NRAP: variants seen among roughly 807,000 people sequenced by gnomAD.
NRAP encodes nebulin related anchoring protein, also known as nebulin-related-anchoring protein.
A neutral mutation model predicts 225.9 loss-of-function variants in NRAP; 189 were observed. That is an observed-to-expected ratio of 0.84 (90% CI 0.74 to 0.94). The LOEUF (loss-of-function observed/expected upper bound fraction) is 0.94. Ranked by LOEUF, NRAP falls within the 40% of genes least tolerant of loss-of-function variation. The pLI, the probability that NRAP is intolerant of heterozygous loss-of-function variation, is 0.00. For synonymous variants in NRAP, 769 were observed against 790.7 expected (o/e 0.97, Z 0.46); for missense variants, 2,176 against 2,168.7 (o/e 1.00, Z -0.07).
intron 39 of NRAP, among the ~76,000 whole-genome samples, chr10:113,591,490 T>G (rs1428800159): frequency 6.6e-6 from 1 of 152,216 alleles, no homozygotes; most frequent in Non-Finnish European, 1.5e-5. Context: ...AGTGATCACA[T>G]GCTTGGATGT....
At chr10:113,645,103 G>A (rs1849423897) in intron 11 of NRAP, among the ~76,000 whole-genome samples, 1 of 152,148 alleles carries the variant, frequency 6.6e-6, no homozygotes. Flanking sequence ...AATTCACATG[G>A]AATACACAGC....
chr10:113,629,410 T>C (rs1156487805), intron 19 of NRAP, among the ~76,000 whole-genome samples, 178 bp downstream of exon 19: 1 of 152,200 alleles, frequency 6.6e-6, no homozygotes, highest in Non-Finnish European at 1.5e-5. Context: ...CCAGTCTCCA[T>C]TGTGTCAACT....
chr10:113,608,338 C>T, intron 32 of NRAP, 76 bp downstream of exon 32: 1 of 897,920 alleles, frequency 1.1e-6, no homozygotes, highest in South Asian at 1.5e-5. Context: ...TTTCTCACCC[C>T]AAACACATTC....
chr10:113,628,863 G>T (rs1464636760), intron 20 of NRAP, 54 bp downstream of exon 20: 8 of 929,264 alleles, frequency 8.6e-6, no homozygotes, highest in Non-Finnish European at 1.2e-5. Context: ...AGATCACCCT[G>T]CATGTGTCAG....
Position 113,588,816 on chromosome 10 carries a change from C to CAA in NRAP, c.*157_*158dup. On this transcript the variant is annotated 3_prime_UTR_variant, in exon 42 of 42. Coordinates refer to ENST00000359988, the MANE Select transcript of NRAP (RefSeq NM_198060.4). ...TAGGTATCAGAGAGGACCACAAATA[C>CAA]AACATTCTCCATCTGCTTTCAGAGT... The CAA allele has an allele frequency of 1.5e-6, 1 of 646,066 alleles. No homozygotes were observed. The highest frequency in any genetic ancestry group is 2.7e-5 in the Admixed American group (1 of 37,232). 40.0% of individuals were successfully genotyped at this position (646,066 alleles called of 1,614,324 possible).
At chr10:113,591,598 G>A (rs372351373) in intron 39 of NRAP, among the ~76,000 whole-genome samples, 6 of 152,310 alleles carry the variant, frequency 3.9e-5, no homozygotes, top group East Asian at 3.9e-4. Flanking sequence ...TCCCAGGTGC[G>A]CCTCCGTCTA....
intron 26 of NRAP, among the ~76,000 whole-genome samples, chr10:113,617,142 A>G (rs911763888): frequency 4.6e-5 from 7 of 152,188 alleles, no homozygotes; most frequent in African/African-American, 1.4e-4. Flanking sequence ...TGAAAACAAC[A>G]CTTTCAGGCA....
Position 113,590,616 on chromosome 10 carries a change from G to A in NRAP, c.4918C>T (p.Leu1640Phe), listed in dbSNP as rs2133812654. ...QPTCDPEQLGLRHAQKAHQLQ... is the reference protein window; with the variant it reads ...QPTCDPEQLGFRHAQKAHQLQ... Reference sequence around the variant, plus strand: ...TGGTGGGCCTTCTGAGCATGCCTGAGGCCCAGCTGCTCCGGGTCGCAGGTG... The same window carrying A: ...TGGTGGGCCTTCTGAGCATGCCTGAAGCCCAGCTGCTCCGGGTCGCAGGTG... Residue 1640 changes from leucine (L) to phenylalanine (F), a missense_variant, in exon 40 of 42, where the codon CTC becomes TTC. Leu to Phe is a conservative substitution (Grantham distance 22). This residue lies in a region of NRAP where 445 missense variants were observed against 426.1 expected (regional missense o/e 1.04). Transcript: ENST00000359988. 2 of 1,613,506 alleles carry A rather than the reference G, an allele frequency of 1.2e-6. No homozygotes were observed. Among genetic ancestry groups the A allele is most frequent in the South Asian group, 1.1e-5 (1 of 91,066 alleles).
chr10:113,639,558 T>C (rs558122076), intron 14 of NRAP, among the ~76,000 whole-genome samples: 10 of 152,388 alleles, frequency 6.6e-5, no homozygotes, highest in Admixed American at 2.0e-4. Flanking sequence ...ATACAACCTT[T>C]CTTCTAAGCC....
chr10:113,634,353 A>G (rs1002228903), intron 14 of NRAP, 143 bp from the exon 15 acceptor site: 2 of 638,088 alleles, frequency 3.1e-6, no homozygotes, highest in African/African-American at 3.6e-5. Flanking sequence ...ATACTGACAG[A>G]CACTCCAAGC....
At chr10:113,589,501 T>G in intron 41 of NRAP, 165 bp downstream of exon 41, 1 of 747,698 alleles carries the variant, frequency 1.3e-6, no homozygotes, top group Non-Finnish European at 2.1e-6. Context: ...GTCATCTGCC[T>G]GGTCATCTCA....
At chr10:113,624,763 T>G in intron 22 of NRAP, 63 bp downstream of exon 22, 1 of 1,189,790 alleles carries the variant, frequency 8.4e-7, no homozygotes, top group Non-Finnish European at 1.2e-6. Flanking sequence ...GTGGGCTTGG[T>G]TTACCAGGTG....
At chr10:113,610,307 G>A in intron 31 of NRAP, 152 bp downstream of exon 31, 1 of 498,130 alleles carries the variant, frequency 2.0e-6, no homozygotes, top group South Asian at 2.4e-5. Context: ...CAGAGATCGT[G>A]CCACTCTACT....
chr10:113,589,686 G>A lies in NRAP; in HGVS notation c.5068C>T (p.Leu1690=), dbSNP rs1482212811. 5.6e-6 allele frequency: 9 copies of A among 1,614,028 alleles called. No individual in the cohort carries two copies. ...RAAELANARG[L]GLQGAYRGAE... ...CTCACGTAAGCTCCCTGGAGACCCA[G>A]GCCCCTTGCGTTGGCCAGTTCCGCA... Residue 1690 remains leucine (L), a synonymous_variant, in exon 41 of 42, where the codon CTG becomes TTG. Transcript: ENST00000359988.
rs11575787 is a variant in NRAP at position 113,588,989 on chromosome 10, CCTT to C, written c.5176_5178del (p.Lys1726del). 2,767 of 1,613,520 alleles carry C rather than the reference CCTT, an allele frequency of 1.7e-3. 37 individuals carry two copies. The African/African-American group carries it at 0.03, about 17-fold the overall frequency. On this transcript the variant is annotated inframe_deletion, in exon 42 of 42. Coordinates refer to ENST00000359988, the MANE Select transcript of NRAP (RefSeq NM_198060.4). The stretch of plus-strand genomic sequence containing the variant: ...GTGGACATGGCTCACAACAGCAGGG[CCTT>C]CTTCTTTTTGACGTGCAGAATCTCA...
At chr10:113,639,091 C>CAAAAAAAAAAAAAAAAAAAA (rs60509891) in intron 14 of NRAP, among the ~76,000 whole-genome samples, 1 of 115,820 alleles carries the variant, frequency 8.6e-6, no homozygotes, top group Non-Finnish European at 1.8e-5. Context: ...ATGTATATAG[C>CAAAAAAAAAAAAAAAAAAAA]AAAAAAAAAA....
intron 30 of NRAP, among the ~76,000 whole-genome samples, chr10:113,611,269 T>C (rs931866673): frequency 6.6e-6 from 1 of 151,748 alleles, no homozygotes; most frequent in Non-Finnish European, 1.5e-5. Flanking sequence ...TGACAGTTTA[T>C]GTCATTCAGT....
At chr10:113,602,855 A>C (rs1004217036) in intron 35 of NRAP, among the ~76,000 whole-genome samples, 2 of 152,120 alleles carry the variant, frequency 1.3e-5, no homozygotes, top group Admixed American at 6.5e-5. Context: ...TCAACGGGGG[A>C]TAACTTCGTC....
intron 41 of NRAP, 135 bp from the exon 42 acceptor site, chr10:113,589,214 C>A (rs1010762564): frequency 3.4e-5 from 23 of 668,352 alleles, no homozygotes; most frequent in African/African-American, 2.9e-4. Flanking sequence ...TTCCCCTCTT[C>A]TACCCTCCCC....
Sources: gnomAD v4.1 joint callset for allele counts (sites outside exome capture counted in the v4.1 genomes callset) on GRCh38, gnomAD v4.1.1 for gene constraint, gnomAD v4.1.1 regional missense constraint, MANE v1.5 for transcripts, NCBI Gene and HGNC (gene_info 2026-07-23, HGNC 2026-07-21) for gene names.